CTNNA3: variants seen among roughly 807,000 people sequenced by gnomAD.
The protein encoded by CTNNA3 is catenin alpha-3.
In CTNNA3, 76 loss-of-function variants were observed where a neutral mutation model predicts 95.7. That is an observed-to-expected ratio of 0.79 (90% CI 0.66 to 0.96). CTNNA3 has a LOEUF of 0.96. Ranked by LOEUF, CTNNA3 falls within the 40% of genes least tolerant of loss-of-function variation. The probability of loss-of-function intolerance (pLI) is 0.00; values close to 1 mark genes in which losing one functional copy is unlikely to be tolerated. For missense variants in CTNNA3, 1,191 were observed against 1,089.8 expected, an observed-to-expected ratio of 1.09 and a Z score of -1.31; for synonymous variants, 431 against 374.4, an observed-to-expected ratio of 1.15 and a Z score of -1.74.
intron 10 of CTNNA3, among the ~76,000 whole-genome samples, chr10:66,526,845 C>A (rs180759915): frequency 2.0e-5 from 3 of 152,070 alleles, no homozygotes; most frequent in Non-Finnish European, 4.4e-5. Context: ...TTATTAATCT[C>A]TGATCATATA....
chr10:66,606,592 T>C (rs1013446078), intron 10 of CTNNA3, among the ~76,000 whole-genome samples: 1 of 152,046 alleles, frequency 6.6e-6, no homozygotes, highest in African/African-American at 2.4e-5. Context: ...GCAATCAAAT[T>C]AGAAATCAAG....
intron 5 of CTNNA3, among the ~76,000 whole-genome samples, chr10:67,497,895 C>G (rs1839083350): frequency 6.6e-6 from 1 of 152,192 alleles, no homozygotes; most frequent in Non-Finnish European, 1.5e-5. Flanking sequence ...CCTGTTCACT[C>G]TGATAATAGT....
chr10:66,189,284 A>C (rs971312922), intron 13 of CTNNA3, among the ~76,000 whole-genome samples: 3 of 151,602 alleles, frequency 2.0e-5, no homozygotes, highest in African/African-American at 7.3e-5. Context: ...AAAAAAAAAA[A>C]AAAAACATTG....
intron 2 of CTNNA3, among the ~76,000 whole-genome samples, chr10:67,609,005 G>A (rs1379361995): frequency 3.4e-5 from 5 of 147,080 alleles, no homozygotes; most frequent in East Asian, 4.2e-4. Flanking sequence ...CAGGAGAATC[G>A]CTTGAACCCG....
chr10:67,382,829 C>T (rs1843998113), intron 5 of CTNNA3, among the ~76,000 whole-genome samples: 1 of 152,076 alleles, frequency 6.6e-6, no homozygotes, highest in South Asian at 2.1e-4. Context: ...AAAGCGGGAA[C>T]AAGAGAGAGG....
At chr10:66,793,977 T>C (rs1841086691) in intron 7 of CTNNA3, among the ~76,000 whole-genome samples, 1 of 152,144 alleles carries the variant, frequency 6.6e-6, no homozygotes, top group Non-Finnish European at 1.5e-5. Context: ...GAATTTTGAG[T>C]CACTGAATTC....
intron 14 of CTNNA3, among the ~76,000 whole-genome samples, chr10:66,079,732 A>G (rs903584074): frequency 6.6e-6 from 1 of 151,976 alleles, no homozygotes; most frequent in African/African-American, 2.4e-5. Flanking sequence ...ACCAAGACTA[A>G]TGATCCATAT....
intron 9 of CTNNA3, among the ~76,000 whole-genome samples, chr10:66,639,377 C>T (rs1845442163): frequency 6.6e-6 from 1 of 152,058 alleles, no homozygotes; most frequent in Non-Finnish European, 1.5e-5. Context: ...GCTCTGTTAG[C>T]AGGTGCTGAT....
At chr10:65,922,322 A>C (rs1433243358) in intron 17 of CTNNA3, among the ~76,000 whole-genome samples, 3 of 152,204 alleles carry the variant, frequency 2.0e-5, no homozygotes, top group Non-Finnish European at 4.4e-5. Flanking sequence ...GGAGCAATAG[A>C]GTATCTTATT....
Position 66,927,245 on chromosome 10 carries a change from G to T in CTNNA3, c.1048-151721C>A. 2 of 1,614,074 alleles carry T rather than the reference G, an allele frequency of 1.2e-6. No homozygotes were observed. Among genetic ancestry groups the T allele is most frequent in the Non-Finnish European group, 1.7e-6 (2 of 1,180,030 alleles). ...GAAAATGCTTTTAATGGAATACGCA[G>T]ACTCAAAGAGCTGATTCTTAGTTCC... On this transcript the variant is annotated intron_variant, in intron 7 of 17. Transcript: ENST00000433211. This position sits in a 1 kb window ranked among gnomAD's most constrained non-coding sequence, Gnocchi z 4.7.
intron 5 of CTNNA3, among the ~76,000 whole-genome samples, chr10:67,255,576 C>T (rs1448956392): frequency 6.6e-6 from 1 of 152,088 alleles, no homozygotes; most frequent in African/African-American, 2.4e-5. Flanking sequence ...TTCTAATAAC[C>T]CTATGAAGCA....
At chr10:67,579,256 A>C (rs1218001607) in intron 3 of CTNNA3, among the ~76,000 whole-genome samples, 2 of 118,840 alleles carry the variant, frequency 1.7e-5, no homozygotes, top group Non-Finnish European at 3.2e-5. Context: ...CCCTGTGTCC[A>C]AGTGTTCTCG....
At chr10:66,386,041 A>T (rs909939514) in intron 11 of CTNNA3, among the ~76,000 whole-genome samples, 1 of 152,176 alleles carries the variant, frequency 6.6e-6, no homozygotes, top group African/African-American at 2.4e-5. Context: ...GCACAAGACA[A>T]GGACGCCCTC....
At chr10:67,358,346 T>C (rs1842886255) in intron 5 of CTNNA3, among the ~76,000 whole-genome samples, 1 of 152,118 alleles carries the variant, frequency 6.6e-6, no homozygotes, top group African/African-American at 2.4e-5. Context: ...TTGGACCAGA[T>C]GGCCAACTAG....
chr10:66,072,491 C>T (rs941470062), intron 14 of CTNNA3, among the ~76,000 whole-genome samples: 6 of 151,612 alleles, frequency 4.0e-5, no homozygotes, highest in Admixed American at 1.3e-4. Context: ...GTCACCCAGG[C>T]TGGAGTGCAG....
At chr10:66,309,086 A>G (rs759107726) in intron 12 of CTNNA3, among the ~76,000 whole-genome samples, 8 of 152,228 alleles carry the variant, frequency 5.3e-5, no homozygotes, top group African/African-American at 9.6e-5. Context: ...TAAAATGGCT[A>G]TCACTCACGT....
intron 17 of CTNNA3, among the ~76,000 whole-genome samples, chr10:65,959,426 G>C (rs2077797255): frequency 6.6e-6 from 1 of 152,154 alleles, no homozygotes; most frequent in African/African-American, 2.4e-5. Flanking sequence ...GATGAACCCA[G>C]TACCTCAGTT....
chr10:66,773,484 G>A (rs550637873), intron 8 of CTNNA3, among the ~76,000 whole-genome samples: 26 of 152,290 alleles, frequency 1.7e-4, no homozygotes, highest in South Asian at 1.0e-3. Context: ...ATTAGGCACC[G>A]TATCGAGAGA....
intron 7 of CTNNA3, among the ~76,000 whole-genome samples, chr10:66,851,372 A>G (rs1371528629): frequency 6.6e-6 from 1 of 152,084 alleles, no homozygotes; most frequent in East Asian, 1.9e-4. Context: ...AGGACTCACA[A>G]ACCTGAAAAA....
Sources: allele counts gnomAD v4.1 joint callset (sites outside exome capture counted in the v4.1 genomes callset), GRCh38; gene constraint gnomAD v4.1.1; non-coding constraint Gnocchi (gnomAD v3.1); transcripts MANE v1.5; gene names NCBI Gene and HGNC (gene_info 2026-07-23, HGNC 2026-07-21).